The following TBC1D1 variants were observed in gnomAD, a reference collection of about 807,000 sequenced individuals.
TBC1D1 encodes TBC1 (tre-2/USP6, BUB2, cdc16) domain family, member 1.
Under a neutral mutation model 125.6 loss-of-function variants are expected in TBC1D1, and 89 were observed. The ratio of observed to expected loss-of-function variants is 0.71; its 90% CI spans 0.60 to 0.85. The LOEUF (loss-of-function observed/expected upper bound fraction) is 0.85. Ranked by LOEUF, TBC1D1 falls within the 40% of genes least tolerant of loss-of-function variation. TBC1D1 has a pLI of 0.00. For missense variants in TBC1D1, 1,377 were observed against 1,469.2 expected (o/e 0.94, Z 1.03); for synonymous variants, 565 against 564.1 (o/e 1.00, Z -0.02).
At chr4:38,055,475 A>G (rs921768630) in intron 12 of TBC1D1, among the ~76,000 whole-genome samples, 1 of 152,188 alleles carries the variant, frequency 6.6e-6, no homozygotes, top group African/African-American at 2.4e-5. Flanking sequence ...AATTCATAGT[A>G]CTGGAAAGAA....
At chr4:38,102,510 G>C (rs761602225) in intron 14 of TBC1D1, among the ~76,000 whole-genome samples, 3 of 152,102 alleles carry the variant, frequency 2.0e-5, no homozygotes, top group Non-Finnish European at 4.4e-5. Context: ...GGGAGAATAG[G>C]GGGTGGAAGT....
intron 2 of TBC1D1, among the ~76,000 whole-genome samples, chr4:37,996,592 A>G (rs1242727410): frequency 6.6e-6 from 1 of 152,248 alleles, no homozygotes; most frequent in Non-Finnish European, 1.5e-5. Context: ...GATAAGTTTT[A>G]CTCAAGAATG....
At chr4:38,025,657 G>A (rs1361192872) in intron 6 of TBC1D1, among the ~76,000 whole-genome samples, 2 of 152,296 alleles carry the variant, frequency 1.3e-5, no homozygotes, top group South Asian at 4.2e-4. Context: ...AAACAATATC[G>A]TTTTTCCAAA....
intron 2 of TBC1D1, among the ~76,000 whole-genome samples, chr4:37,951,739 T>G (rs1727922220): frequency 6.6e-6 from 1 of 152,180 alleles, no homozygotes; most frequent in South Asian, 2.1e-4. Flanking sequence ...GAAGTCAGAG[T>G]ATTTGTTCAG....
At chr4:37,966,994 A>AGG (rs1413584390) in intron 2 of TBC1D1, among the ~76,000 whole-genome samples, 4 of 152,212 alleles carry the variant, frequency 2.6e-5, no homozygotes, top group Admixed American at 2.6e-4. Context: ...AGGAATCTTA[A>AGG]GTTACAACAA....
At chr4:37,927,061 T>C (rs568470117) in intron 2 of TBC1D1, among the ~76,000 whole-genome samples, 8 of 152,164 alleles carry the variant, frequency 5.3e-5, no homozygotes, top group South Asian at 4.2e-4. Context: ...AGAGGTTGCA[T>C]TGAGTCATGA....
At position 37,947,165 on chromosome 4, in the gene TBC1D1, A is replaced by G. The variant is rs537293271; in HGVS notation, c.417+44653A>G. Among the ~76,000 whole-genome samples, 361 of 152,132 alleles carry G rather than the reference A, an allele frequency of 2.4e-3. 2 individuals are homozygous for G. Among genetic ancestry groups the G allele is most frequent in the Non-Finnish European group, 4.7e-4 (32 of 67,976 alleles). On this transcript the variant is annotated intron_variant, in intron 2 of 19. Transcript: ENST00000261439. ...TGTTTATTCATTTATTTATGTGTTT[A>G]TTTATTTTTGAGACAGAGTCTTGCT...
At position 38,014,551 on chromosome 4, in the gene TBC1D1, G is replaced by A. The variant is rs199907184; in HGVS notation, c.460G>A (p.Ala154Thr). 1.2e-6 allele frequency: 2 copies of A among 1,613,262 alleles called. No homozygotes were observed. Among genetic ancestry groups the A allele is most frequent in the East Asian group, 2.2e-5 (1 of 44,886 alleles). Reference sequence around the variant, plus strand: ...CTCCATCCGTCAGGCGGGGAAGATCGCCCGGCAGGAGGAGCTGCACTGCCC... The same window carrying A: ...CTCCATCCGTCAGGCGGGGAAGATCACCCGGCAGGAGGAGCTGCACTGCCC... Residue 154 changes from alanine to threonine, a missense_variant, in exon 3 of 20, where the codon GCC becomes ACC. Around this residue, in one of 3 missense-constraint regions of TBC1D1, gnomAD observed 822 missense variants for 824.6 expected, o/e 1.00. Transcript: ENST00000261439. The surrounding 1 kb of genome is among the most constrained non-coding windows in gnomAD (Gnocchi z 5.1).
intron 2 of TBC1D1, among the ~76,000 whole-genome samples, chr4:37,955,204 A>AG: frequency 6.6e-6 from 1 of 152,362 alleles, no homozygotes. Flanking sequence ...AAGTAAAAAA[A>AG]GAAATCACCC....
chr4:37,955,861 C>T (rs1432724180), intron 2 of TBC1D1, among the ~76,000 whole-genome samples: 4 of 151,926 alleles, frequency 2.6e-5, no homozygotes, highest in Non-Finnish European at 5.9e-5. Context: ...TCAGGGCTGG[C>T]CGTGGTGTCT....
At position 38,133,101 on chromosome 4, in the gene TBC1D1, C is replaced by G. The variant is rs185429602; in HGVS notation, c.3150C>G (p.Ile1050Met). 9 of 1,613,096 alleles carry G rather than the reference C, an allele frequency of 5.6e-6. No individual in the cohort carries two copies. Among genetic ancestry groups the G allele is most frequent in the Non-Finnish European group, 7.6e-6 (9 of 1,179,676 alleles). ...TATAACAGGTATTTGAAATGGACATCGCTAAACAGTTACAAGCTTATGAAG... is the reference window on the plus strand; with the variant it reads ...TATAACAGGTATTTGAAATGGACATGGCTAAACAGTTACAAGCTTATGAAG... Residue 1050 changes from isoleucine to methionine, a missense_variant, in exon 19 of 20, where the codon ATC becomes ATG. This residue lies in a region of TBC1D1 where 543 missense variants were observed against 613.5 expected (regional missense o/e 0.89). Transcript: ENST00000261439.
At chr4:38,064,626 CTTTTT>C (rs71190945) in intron 12 of TBC1D1, among the ~76,000 whole-genome samples, 1 of 138,274 alleles carries the variant, frequency 7.2e-6, no homozygotes, top group Non-Finnish European at 1.6e-5. Context: ...AGCTACATTT[CTTTTT>C]TTTTTTTTTT....
intron 15 of TBC1D1, among the ~76,000 whole-genome samples, chr4:38,112,831 G>A (rs1246990013): frequency 6.6e-6 from 1 of 152,228 alleles, no homozygotes; most frequent in Non-Finnish European, 1.5e-5. Context: ...CACTCCATCT[G>A]TGTGACCTGA....
chr4:38,072,491 T>C (rs1378871844), intron 12 of TBC1D1, among the ~76,000 whole-genome samples: 1 of 152,220 alleles, frequency 6.6e-6, no homozygotes, highest in Non-Finnish European at 1.5e-5. Flanking sequence ...TCATAATGTA[T>C]ATTTCTGTGA....
At chr4:37,929,028 A>G (rs1018115466) in intron 2 of TBC1D1, among the ~76,000 whole-genome samples, 2 of 152,222 alleles carry the variant, frequency 1.3e-5, no homozygotes, top group African/African-American at 4.8e-5. Context: ...CTAGCTCATC[A>G]TTGTCCCTCT....
chr4:37,900,494 T>A (rs1012316023), intron 1 of TBC1D1, among the ~76,000 whole-genome samples: 3 of 151,950 alleles, frequency 2.0e-5, no homozygotes, highest in Non-Finnish European at 4.4e-5. Context: ...AAAATACGTA[T>A]TGAGTCCCTA....
intron 12 of TBC1D1, among the ~76,000 whole-genome samples, chr4:38,066,283 A>C (rs1171588482): frequency 8.9e-6 from 1 of 112,678 alleles, no homozygotes; most frequent in African/African-American, 3.6e-5. Flanking sequence ...TTTTTTTTTT[A>C]GCAAAATTAG....
At chr4:37,953,253 G>C (rs1025936925) in intron 2 of TBC1D1, among the ~76,000 whole-genome samples, 2 of 152,378 alleles carry the variant, frequency 1.3e-5, no homozygotes, top group Middle Eastern at 6.8e-3. Context: ...ACAGATAAGA[G>C]AGAAATGGTG....
intron 2 of TBC1D1, among the ~76,000 whole-genome samples, chr4:37,996,673 A>G (rs1737875131): frequency 6.6e-6 from 1 of 152,280 alleles, no homozygotes; most frequent in Non-Finnish European, 1.5e-5. Context: ...ACACATGCTC[A>G]GAGCCCTTTC....
Sources: allele counts gnomAD v4.1 joint callset (sites outside exome capture counted in the v4.1 genomes callset), GRCh38; gene constraint gnomAD v4.1.1; regional missense constraint gnomAD v4.1.1; non-coding constraint Gnocchi (gnomAD v3.1); transcripts MANE v1.5; gene names NCBI Gene and HGNC (gene_info 2026-07-23, HGNC 2026-07-21).